The following SEMA6D variants were observed in gnomAD, a reference collection of about 807,000 sequenced individuals.
SEMA6D encodes the protein semaphorin 6D.
SEMA6D carries 35 observed loss-of-function variants against 106.6 expected under a neutral mutation model. That is an observed-to-expected ratio of 0.33 (90% confidence interval 0.25 to 0.44). The LOEUF is 0.44. Ranked by LOEUF, SEMA6D falls within the 20% of genes least tolerant of loss-of-function variation. The probability of loss-of-function intolerance (pLI) is 1.00; values close to 1 mark genes in which losing one functional copy is unlikely to be tolerated. For missense variants in SEMA6D, 1,185 were observed against 1,345.9 expected (o/e 0.88, Z 1.87); for synonymous variants, 499 against 487.7 (o/e 1.02, Z -0.31).
At chr15:47,456,857 G>A (rs1444632643) in intron 2 of SEMA6D, among the ~76,000 whole-genome samples, 1 of 151,906 alleles carries the variant, frequency 6.6e-6, no homozygotes, top group Non-Finnish European at 1.5e-5. Context: ...GACTTTGTAA[G>A]ACAGAGTACT....
Position 47,756,997 on chromosome 15 carries a change from G to A in SEMA6D, c.-54-2748G>A, listed in dbSNP as rs138367787. 2.6e-5 allele frequency among the ~76,000 whole-genome samples: 4 copies of A among 151,860 alleles called. No individual in the cohort carries two copies. In the East Asian group the frequency reaches 7.8e-4, roughly 29 times the overall value. On this transcript the variant is annotated intron_variant, in intron 1 of 18. Coordinates refer to ENST00000536845, the MANE Select transcript of SEMA6D (RefSeq NM_001358351.3). ...GGAGGATTAGAGTGGTAGGGGGTGG[G>A]GCATGGGGAGAAATTGCTTTCTGCA...
chr15:47,225,730 G>A (rs900139694), intron 1 of SEMA6D, among the ~76,000 whole-genome samples: 13 of 151,616 alleles, frequency 8.6e-5, no homozygotes, highest in East Asian at 3.9e-4. Flanking sequence ...GGGTTTCTCC[G>A]TGTGGGTCAG....
At chr15:47,718,957 G>C (rs778240869) in intron 1 of SEMA6D, 1 of 152,176 alleles carries the variant, frequency 6.6e-6, no homozygotes, top group Non-Finnish European at 1.5e-5. Context: ...CTCCTTCCTT[G>C]GGTAATTTAG....
chr15:47,186,482 A>C (rs71467615), intron 1 of SEMA6D, among the ~76,000 whole-genome samples: 1 of 151,912 alleles, frequency 6.6e-6, no homozygotes. Context: ...TCTCTCTTTT[A>C]TCATAATGTT....
rs2045784888 is a variant in SEMA6D at position 47,552,881 on chromosome 15, A to AT, written c.-86-47984_-86-47983insT. Among the ~76,000 whole-genome samples, 6 of 14,338 alleles carry AT rather than the reference A, an allele frequency of 4.2e-4. No individual in the cohort carries two copies. The East Asian group carries it at 5.0e-3, about 12-fold the overall frequency. The allele number at this position is 14,338 out of a possible 152,430, so 9.4% of individuals were successfully genotyped here. A position where few individuals can be genotyped will look rare whatever the true frequency, so the allele number is the denominator to read the frequency against. ...ATATATATATTTTTATATATATATA[A>AT]ATATATATAAATATATATATATATA... is the stretch of plus-strand genomic sequence containing the variant. On this transcript the variant is annotated intron_variant, in intron 3 of 19. Transcript: ENST00000558014.
At chr15:47,546,042 G>A (rs902108513) in intron 3 of SEMA6D, among the ~76,000 whole-genome samples, 2 of 152,116 alleles carry the variant, frequency 1.3e-5, no homozygotes, top group South Asian at 2.1e-4. Context: ...ACACACACTC[G>A]CTAGAGTGCA....
chr15:47,583,419 T>C (rs1440863895), intron 3 of SEMA6D, among the ~76,000 whole-genome samples: 2 of 152,184 alleles, frequency 1.3e-5, no homozygotes, highest in East Asian at 3.9e-4. Context: ...GTGAGACCAT[T>C]CAAGGATGTT....
At chr15:47,217,566 G>GGGGT (rs1555405726) in intron 1 of SEMA6D, among the ~76,000 whole-genome samples, 11 of 145,920 alleles carry the variant, frequency 7.5e-5, no homozygotes, top group East Asian at 2.1e-4. Flanking sequence ...CGCGTGCACG[G>GGGGT]GTGTGTGTGT....
chr15:47,572,794 TATTC>T (rs947797267), intron 3 of SEMA6D, among the ~76,000 whole-genome samples: 22 of 152,198 alleles, frequency 1.4e-4, no homozygotes, highest in African/African-American at 5.3e-4. Context: ...ATAAAATATT[TATTC>T]AAGCAAATAA....
intron 3 of SEMA6D, among the ~76,000 whole-genome samples, chr15:47,583,370 C>T (rs1191800658): frequency 3.3e-5 from 5 of 152,142 alleles, no homozygotes; most frequent in Admixed American, 3.3e-4. Context: ...CTTTCTGCTC[C>T]TTAGAGTCTG....
chr15:47,410,937 C>T (rs143769248), intron 1 of SEMA6D, among the ~76,000 whole-genome samples: 17 of 151,892 alleles, frequency 1.1e-4, no homozygotes, highest in Non-Finnish European at 2.1e-4. Context: ...GGAAAACATA[C>T]CATTTAATTT....
chr15:47,371,215 T>C (rs1384736978), intron 1 of SEMA6D, among the ~76,000 whole-genome samples: 1 of 152,196 alleles, frequency 6.6e-6, no homozygotes, highest in African/African-American at 2.4e-5. Context: ...TTGGAGACAT[T>C]TTGCTGTCCA....
intron 4 of SEMA6D, among the ~76,000 whole-genome samples, chr15:47,704,712 C>G (rs952560134): frequency 4.8e-5 from 7 of 146,002 alleles, no homozygotes; most frequent in Non-Finnish European, 1.1e-4. Context: ...GAGCCAGACC[C>G]TGTCTCAAAA....
chr15:47,281,558 T>C (rs1010435612), intron 1 of SEMA6D, among the ~76,000 whole-genome samples: 21 of 151,948 alleles, frequency 1.4e-4, no homozygotes, highest in Non-Finnish European at 2.8e-4. Flanking sequence ...TGTGTGAATT[T>C]GATCCTGTCG....
intron 4 of SEMA6D, among the ~76,000 whole-genome samples, chr15:47,683,134 T>C (rs1391808867): frequency 6.6e-6 from 1 of 152,186 alleles, no homozygotes; most frequent in Non-Finnish European, 1.5e-5. Flanking sequence ...ATTGTGAGGT[T>C]TGGGCTTAGA....
At chr15:47,506,439 G>A (rs998881418) in intron 3 of SEMA6D, among the ~76,000 whole-genome samples, 7 of 152,116 alleles carry the variant, frequency 4.6e-5, no homozygotes, top group Admixed American at 1.3e-4. Context: ...TTAAGCTTGA[G>A]GCTTAAATAC....
Position 47,398,881 on chromosome 15 carries a change from C to T in SEMA6D, c.-238-13512C>T, listed in dbSNP as rs281305. 8.5e-3 allele frequency among the ~76,000 whole-genome samples: 1,287 copies of T among 152,234 alleles called. 20 individuals are homozygous for T. Among genetic ancestry groups the T allele is most frequent in the African/African-American group, 0.03 (1,229 of 41,532 alleles). ...TGTGCACCATAATGGGAAGGAACAC[C>T]GGCTCAGGAGCCACACTTCCTGAGT... On this transcript the variant is annotated intron_variant, in intron 1 of 19. Transcript: ENST00000558014.
chr15:47,689,354 C>T (rs1422308697), intron 4 of SEMA6D, among the ~76,000 whole-genome samples: 1 of 152,202 alleles, frequency 6.6e-6, no homozygotes, highest in Non-Finnish European at 1.5e-5. Flanking sequence ...CAGCATGTAA[C>T]TGAATTCAGT....
intron 1 of SEMA6D, among the ~76,000 whole-genome samples, chr15:47,294,963 G>A (rs182437176): frequency 1.3e-5 from 2 of 152,242 alleles, no homozygotes; most frequent in East Asian, 3.9e-4. Context: ...TATTTCCTTT[G>A]TCCTAGCTGC....
Sources: gnomAD v4.1 joint callset for allele counts (sites outside exome capture counted in the v4.1 genomes callset) on GRCh38, gnomAD v4.1.1 for gene constraint, MANE v1.5 for transcripts, NCBI Gene and HGNC (gene_info 2026-07-23, HGNC 2026-07-21) for gene names.